Variants in LFNG observed in about 807,000 individuals in gnomAD.
LFNG encodes the protein beta-1,3-N-acetylglucosaminyltransferase lunatic fringe.
In LFNG, 15 loss-of-function variants were observed where a neutral mutation model predicts 32.7. The ratio of observed to expected loss-of-function variants is 0.46; its 90% CI spans 0.31 to 0.71. The LOEUF is 0.71. LFNG is among the 30% of genes least tolerant of loss of function. LFNG has a pLI of 0.06. For missense variants in LFNG, 520 were observed against 545.7 expected (o/e 0.95, Z 0.47); for synonymous variants, 274 against 246.8 (o/e 1.11, Z -1.03).
exon 1 of LFNG, chr7:2,512,611 C>A (rs1779521667): frequency 7.5e-6 from 12 of 1,601,406 alleles, no homozygotes; most frequent in Non-Finnish European, 1.0e-5. Flanking sequence ...GCCACCCTCG[C>A]AGCTTCCTCC....
chr7:2,517,751 G>A, upstream of LFNG: 1 of 631,000 alleles, frequency 1.6e-6, no homozygotes, highest in Non-Finnish European at 2.6e-6. Flanking sequence ...GCTTGGCCAT[G>A]CTTGGCTGCA....
chr7:2,518,122 G>C (rs1779674589), upstream of LFNG, among the ~76,000 whole-genome samples: 2 of 152,174 alleles, frequency 1.3e-5, no homozygotes, highest in Non-Finnish European at 2.9e-5. Context: ...GCTGGGGCTG[G>C]GCTGGGACTC....
Position 2,519,909 on chromosome 7 carries a change from G to C in LFNG, c.48G>C (p.Ala16=). 1 of 1,091,314 alleles carries C rather than the reference G, an allele frequency of 9.2e-7. No individual in the cohort carries two copies. The highest frequency in any genetic ancestry group is 1.1e-6 in the Non-Finnish European group (1 of 893,618). 67.6% of individuals were successfully genotyped at this position (1,091,314 alleles called of 1,614,324 possible). A position where few individuals can be genotyped will look rare whatever the true frequency, so the allele number is the denominator to read the frequency against. ...GCCTGCTGCTGGCGCTGGCGGGCGC[G>C]CTGCTCGCCTGCCTGCTGGTGCTCA... is the stretch of plus-strand genomic sequence containing the variant. ...GRRLLLALAG[A]LLACLLVLTA... is the part of the protein sequence containing the mutation. Residue 16 remains alanine, a synonymous_variant, in exon 1 of 8, where the codon GCG becomes GCC. Coordinates refer to ENST00000222725, the MANE Select transcript of LFNG (RefSeq NM_001040167.2).
upstream of LFNG, among the ~76,000 whole-genome samples, chr7:2,519,336 G>A (rs920346626): frequency 6.6e-6 from 1 of 152,214 alleles, no homozygotes; most frequent in Non-Finnish European, 1.5e-5. Context: ...GTGCTCAGGA[G>A]GGGAAGCGCA....
chr7:2,518,296 G>A (rs149131139), upstream of LFNG, among the ~76,000 whole-genome samples: 7 of 152,306 alleles, frequency 4.6e-5, no homozygotes, highest in Non-Finnish European at 7.4e-5. Flanking sequence ...CTTGGGCACA[G>A]CCAGCACCAT....
At chr7:2,525,987 G>A (rs1562554965) in intron 5 of LFNG, among the ~76,000 whole-genome samples, 1 of 151,774 alleles carries the variant, frequency 6.6e-6, no homozygotes, top group South Asian at 2.1e-4. Flanking sequence ...CCAGGGGGGC[G>A]ATGAGCACCC....
In LFNG at chr7:2,520,333, G is replaced by A; in HGVS notation, c.432+40G>A. 2 of 1,575,220 alleles carry A rather than the reference G, an allele frequency of 1.3e-6. No homozygotes were observed. Among genetic ancestry groups the A allele is most frequent in the Non-Finnish European group, 1.7e-6 (2 of 1,152,012 alleles). The stretch of plus-strand genomic sequence containing the variant: ...GCCTGGACTGGCGGGCGAGCGGGGC[G>A]GGGACCCACCATCTGGTCCAGCTGG... On this transcript the variant is annotated intron_variant, in intron 1 of 7. Transcript: ENST00000222725. This position sits in a 1 kb window ranked among gnomAD's most constrained non-coding sequence, Gnocchi z 5.0.
upstream of LFNG, among the ~76,000 whole-genome samples, chr7:2,516,742 C>T (rs959634734): frequency 6.6e-6 from 1 of 152,218 alleles, no homozygotes; most frequent in Non-Finnish European, 1.5e-5. Flanking sequence ...GGTGGAGGGG[C>T]CCTGCAGAGG....
upstream of LFNG, among the ~76,000 whole-genome samples, chr7:2,516,377 G>A (rs1779628290): frequency 6.6e-6 from 1 of 152,244 alleles, no homozygotes; most frequent in South Asian, 2.1e-4. Flanking sequence ...AGGCAGGCCA[G>A]AGCAGCCCCA....
chr7:2,521,521 A>C (rs1218245080), intron 1 of LFNG, among the ~76,000 whole-genome samples: 2 of 152,194 alleles, frequency 1.3e-5, no homozygotes, highest in Non-Finnish European at 2.9e-5. Flanking sequence ...CTGGCCACTC[A>C]GGTTGCCTGG....
chr7:2,515,853 G>A (rs1020274833), upstream of LFNG, among the ~76,000 whole-genome samples: 5 of 152,210 alleles, frequency 3.3e-5, no homozygotes, highest in African/African-American at 1.2e-4. Flanking sequence ...TAGTCTCAGG[G>A]CAGTGCCCAC....
chr7:2,513,697 C>G (rs1779543885), upstream of LFNG, among the ~76,000 whole-genome samples: 1 of 152,240 alleles, frequency 6.6e-6, no homozygotes, highest in South Asian at 2.1e-4. Flanking sequence ...GCCACACAAG[C>G]CAGCCATTCT....
At position 2,520,137 on chromosome 7, in the gene LFNG, C is replaced by T. The variant is rs1779746297; in HGVS notation, c.276C>T (p.Pro92=). ...TRARRDAGPP[P]GAAPRPADGH... ...CGCGCAGAGATGCGGGCCCGCCGCCCGGGGCTGCCCCCCGCCCCGCCGACG... is the reference window on the plus strand; with the variant it reads ...CGCGCAGAGATGCGGGCCCGCCGCCTGGGGCTGCCCCCCGCCCCGCCGACG... Residue 92 remains proline, a synonymous_variant, in exon 1 of 8, where the codon CCC becomes CCT. Coordinates refer to ENST00000222725, the MANE Select transcript of LFNG (RefSeq NM_001040167.2). This position sits in a 1 kb window ranked among gnomAD's most constrained non-coding sequence, Gnocchi z 5.0. The T allele has an allele frequency of 1.9e-5, 26 of 1,376,446 alleles. No individual in the cohort carries two copies. The South Asian group carries it at 4.3e-4, about 23-fold the overall frequency. The allele number at this position is 1,376,446 out of a possible 1,614,324, so 85.3% of individuals were successfully genotyped here. A position where few individuals can be genotyped will look rare whatever the true frequency, so the allele number is the denominator to read the frequency against.
upstream of LFNG, chr7:2,518,706 T>C: frequency 6.7e-7 from 1 of 1,485,266 alleles, no homozygotes; most frequent in Non-Finnish European, 9.1e-7. Context: ...GTGGTGGTCG[T>C]GGTGGTCGCA....
rs1447044384 is a variant in LFNG, at chr7:2,526,628, G to C, written c.988-208G>C. ...CTCTTCACTGTGATGCGCCTACTGT[G>C]CGTATTTTGTCCACGCTGGCAATGC... On this transcript the variant is annotated intron_variant, in intron 6 of 7. Coordinates refer to ENST00000222725, the MANE Select transcript of LFNG (RefSeq NM_001040167.2). This position sits in a 1 kb window ranked among gnomAD's most constrained non-coding sequence, Gnocchi z 6.9. Among the ~76,000 whole-genome samples, 2 of 152,150 alleles carry C rather than the reference G, an allele frequency of 1.3e-5. No homozygotes were observed. Among genetic ancestry groups the C allele is most frequent in the African/African-American group, 4.8e-5 (2 of 41,414 alleles).
At position 2,520,889 on chromosome 7, in the gene LFNG, T is replaced by G. The variant is rs934359231; in HGVS notation, c.432+596T>G. On this transcript the variant is annotated intron_variant, in intron 1 of 7. Transcript: ENST00000222725. This position sits in a 1 kb window ranked among gnomAD's most constrained non-coding sequence, Gnocchi z 5.0. ...CAGTAGTCTCTGAGGCCTGCAACCT[T>G]GGGCACAGCCCACTTCAGTTGGGCA... Among the ~76,000 whole-genome samples the G allele has an allele frequency of 1.3e-5, 2 of 152,198 alleles. No homozygotes were observed. The highest frequency in any genetic ancestry group is 2.4e-5 in the African/African-American group (1 of 41,452).
chr7:2,525,627 G>A, intron 4 of LFNG, 58 bp from the exon 5 acceptor site: 1 of 1,611,840 alleles, frequency 6.2e-7, no homozygotes, highest in Non-Finnish European at 8.5e-7. Context: ...CGGAGTGGGG[G>A]TGGGACCGTG....
Position 2,512,839 on chromosome 7 carries a change from C to T in LFNG, c.47+138C>T, listed in dbSNP as rs1310125459. 4 of 808,480 alleles carry T rather than the reference C, an allele frequency of 4.9e-6. No homozygotes were observed. The African/African-American group carries it at 6.8e-5, about 14-fold the overall frequency. The allele number at this position is 808,480 out of a possible 1,614,324, so 50.1% of individuals were successfully genotyped here. Reference sequence around the variant, plus strand: ...TCCTCAGGCTTCTCTTTATCTCCAGCCTCACCTCCATGAATGCCCCACACA... The same window carrying T: ...TCCTCAGGCTTCTCTTTATCTCCAGTCTCACCTCCATGAATGCCCCACACA... On this transcript the variant is annotated intron_variant, in intron 1 of 8. Transcript: ENST00000402506.
At chr7:2,521,372 C>T (rs1324331951) in intron 1 of LFNG, among the ~76,000 whole-genome samples, 1 of 152,164 alleles carries the variant, frequency 6.6e-6, no homozygotes, top group Non-Finnish European at 1.5e-5. Flanking sequence ...GTTTGGCGGC[C>T]GGGCCGTTAG....
Sources: allele counts gnomAD v4.1 joint callset (sites outside exome capture counted in the v4.1 genomes callset), GRCh38; gene constraint gnomAD v4.1.1; non-coding constraint Gnocchi (gnomAD v3.1); transcripts MANE v1.5; gene names NCBI Gene and HGNC (gene_info 2026-07-23, HGNC 2026-07-21).